TSEN2: variants seen among roughly 807,000 people sequenced by gnomAD.
The protein encoded by TSEN2 is tRNA splicing endonuclease subunit 2.
Under a neutral mutation model 59.2 loss-of-function variants are expected in TSEN2, and 54 were observed. That is an observed-to-expected ratio of 0.91 (90% CI 0.73 to 1.14). The LOEUF (loss-of-function observed/expected upper bound fraction) is 1.14. Ranked by LOEUF, TSEN2 falls within the 50% of genes most tolerant of loss-of-function variation. TSEN2 has a pLI of 0.00. For missense variants in TSEN2, 636 were observed against 576.2 expected (o/e 1.10, Z -1.06); for synonymous variants, 195 against 198.2 (o/e 0.98, Z 0.14).
intron 4 of TSEN2, among the ~76,000 whole-genome samples, chr3:12,499,310 A>G (rs918515824): frequency 2.0e-5 from 3 of 152,196 alleles, no homozygotes; most frequent in African/African-American, 7.2e-5. Flanking sequence ...TTATTCAGCC[A>G]GAATTCACTA....
chr3:12,523,190 G>A (rs1312596762), intron 8 of TSEN2, among the ~76,000 whole-genome samples: 1 of 152,162 alleles, frequency 6.6e-6, no homozygotes, highest in Non-Finnish European at 1.5e-5. Flanking sequence ...ATTGTCTTAT[G>A]TACACAGTTA....
rs545937568 is a variant in TSEN2, at chr3:12,519,173, G to C, written c.1075G>C (p.Gly359Arg). The C allele has an allele frequency of 1.2e-6, 2 of 1,614,180 alleles. No homozygotes were observed. Among genetic ancestry groups the C allele is most frequent in the African/African-American group, 2.7e-5 (2 of 75,038 alleles). The change falls in exon 8 of 12, where the codon GGA becomes CGA. Residue 359 changes from glycine (G) to arginine (R), a missense_variant. Gly to Arg is a moderately radical substitution (Grantham distance 125). Transcript: ENST00000284995. ...FRSKGWVPKV[G>R]LKYGTDLLLY... ...AAGCAAGGGCTGGGTGCCCAAAGTG[G>C]GACTCAAGTACGGGACAGATTTACG... is the stretch of plus-strand genomic sequence containing the variant.
At chr3:12,532,613 G>A in intron 11 of TSEN2, 49 bp from the exon 12 acceptor site, 1 of 1,591,008 alleles carries the variant, frequency 6.3e-7, no homozygotes, top group Non-Finnish European at 8.6e-7. Context: ...TGTCAGAATG[G>A]TCTTACATTT....
intron 6 of TSEN2, among the ~76,000 whole-genome samples, chr3:12,515,656 A>T (rs991366090): frequency 6.6e-6 from 1 of 152,174 alleles, no homozygotes; most frequent in East Asian, 1.9e-4. Flanking sequence ...TATTACTTTA[A>T]CAGAAAGCCA....
At chr3:12,512,966 A>G (rs531936618) in intron 6 of TSEN2, among the ~76,000 whole-genome samples, 1 of 152,360 alleles carries the variant, frequency 6.6e-6, no homozygotes, top group East Asian at 1.9e-4. Context: ...TCTTATTAGT[A>G]CTGCGAAAGT....
intron 7 of TSEN2, among the ~76,000 whole-genome samples, chr3:12,518,000 C>G (rs1345818533): frequency 6.6e-6 from 1 of 152,032 alleles, no homozygotes; most frequent in African/African-American, 2.4e-5. Flanking sequence ...CTGAGCCAGT[C>G]TCACTGAGTG....
intron 10 of TSEN2, chr3:12,539,137 C>CTTTT: frequency 2.7e-6 from 1 of 370,752 alleles, no homozygotes; most frequent in Non-Finnish European, 5.3e-6. Flanking sequence ...GTGCTTTTTT[C>CTTTT]TTTTTTTTTT....
At chr3:12,518,700 C>T (rs2056361471) in intron 7 of TSEN2, among the ~76,000 whole-genome samples, 1 of 126,660 alleles carries the variant, frequency 7.9e-6, no homozygotes, top group African/African-American at 3.4e-5. Context: ...AGTTTATATT[C>T]TCTCTTTTTT....
At chr3:12,481,122 A>T (rs888524767), upstream of TSEN2, among the ~76,000 whole-genome samples, 1 of 152,194 alleles carries the variant, frequency 6.6e-6, no homozygotes, top group Non-Finnish European at 1.5e-5. Context: ...GATTAACTTG[A>T]ATTTCAGATA....
intron 8 of TSEN2, among the ~76,000 whole-genome samples, chr3:12,523,721 G>A (rs2056857291): frequency 6.6e-6 from 1 of 151,240 alleles, no homozygotes; most frequent in Admixed American, 6.6e-5. Context: ...TGTATTTTTA[G>A]TAGAGACAGG....
At chr3:12,482,603 G>C (rs2052213859), upstream of TSEN2, among the ~76,000 whole-genome samples, 2 of 151,404 alleles carry the variant, frequency 1.3e-5, no homozygotes, top group African/African-American at 4.9e-5. Flanking sequence ...GGGAATTTGA[G>C]ATCCCATTAT....
chr3:12,488,401 C>G (rs1039650173), intron 1 of TSEN2, among the ~76,000 whole-genome samples: 13 of 152,210 alleles, frequency 8.5e-5, no homozygotes, highest in African/African-American at 1.7e-4. Context: ...GCAGCAGATT[C>G]AAGTTTCCCA....
chr3:12,520,256 C>T (rs1473284922), intron 8 of TSEN2, among the ~76,000 whole-genome samples: 1 of 152,126 alleles, frequency 6.6e-6, no homozygotes, highest in African/African-American at 2.4e-5. Flanking sequence ...CTTCAGCTTC[C>T]CAAAGTGCTG....
chr3:12,496,154 G>A (rs2124989943), intron 3 of TSEN2, among the ~76,000 whole-genome samples: 1 of 152,332 alleles, frequency 6.6e-6, no homozygotes, highest in East Asian at 1.9e-4. Flanking sequence ...GGGAAGAATG[G>A]AGATGAAGTG....
chr3:12,512,607 G>A (rs1032078544), intron 6 of TSEN2, among the ~76,000 whole-genome samples: 3 of 152,206 alleles, frequency 2.0e-5, no homozygotes, highest in African/African-American at 4.8e-5. Flanking sequence ...CACACACACA[G>A]TGACTAGATC....
chr3:12,507,302 AG>A (rs1405402263), intron 6 of TSEN2, among the ~76,000 whole-genome samples: 2 of 152,260 alleles, frequency 1.3e-5, no homozygotes, highest in Non-Finnish European at 2.9e-5. Flanking sequence ...TGTATTGAAC[AG>A]CAGATGCGTA....
chr3:12,529,413 C>T (rs1379317464), intron 9 of TSEN2, among the ~76,000 whole-genome samples: 3 of 149,878 alleles, frequency 2.0e-5, no homozygotes, highest in African/African-American at 7.4e-5. Flanking sequence ...TTGCGGTGAG[C>T]CAAGATCGCA....
downstream of TSEN2, among the ~76,000 whole-genome samples, chr3:12,534,318 G>T (rs2057619354): frequency 6.6e-6 from 1 of 152,190 alleles, no homozygotes. Context: ...TTGGTGCAGT[G>T]TGTGGTACTT....
At chr3:12,536,985 CAA>C (rs1296649557), downstream of TSEN2, among the ~76,000 whole-genome samples, 2 of 142,980 alleles carry the variant, frequency 1.4e-5, no homozygotes, top group Non-Finnish European at 3.0e-5. Context: ...GCCTGGGCAA[CAA>C]GAGCAAAACT....
Sources: allele counts gnomAD v4.1 joint callset (sites outside exome capture counted in the v4.1 genomes callset), GRCh38; gene constraint gnomAD v4.1.1; transcripts MANE v1.5; gene names NCBI Gene and HGNC (gene_info 2026-07-23, HGNC 2026-07-21).